AFG1L: variants seen among roughly 807,000 people sequenced by gnomAD.
The protein encoded by AFG1L is AFG1-like ATPase.
A neutral mutation model predicts 62.2 loss-of-function variants in AFG1L; 53 were observed. That is an observed-to-expected ratio of 0.85 (90% confidence interval 0.68 to 1.07). The LOEUF (loss-of-function observed/expected upper bound fraction) is 1.07, where lower values mean the gene tolerates loss of function less well. AFG1L is among the 50% of genes least tolerant of loss of function. The probability of loss-of-function intolerance (pLI) is 0.00; values close to 1 mark genes in which losing one functional copy is unlikely to be tolerated. For missense variants in AFG1L, 555 were observed against 590.5 expected (o/e 0.94, Z 0.62); for synonymous variants, 228 against 210.3 (o/e 1.08, Z -0.73).
At chr6:108,465,128 T>C (rs1032113677) in intron 8 of AFG1L, among the ~76,000 whole-genome samples, 3 of 152,220 alleles carry the variant, frequency 2.0e-5, no homozygotes, top group Non-Finnish European at 2.9e-5. Context: ...AAGATACTCT[T>C]CTTTGTGGTT....
intron 8 of AFG1L, among the ~76,000 whole-genome samples, chr6:108,469,729 G>A (rs1772811497): frequency 6.6e-6 from 1 of 152,186 alleles, no homozygotes; most frequent in Admixed American, 6.5e-5. Context: ...TCAACTGAGT[G>A]GCTGGTGATA....
chr6:108,317,773 C>G (rs1777660962), intron 1 of AFG1L, among the ~76,000 whole-genome samples: 1 of 152,162 alleles, frequency 6.6e-6, no homozygotes, highest in East Asian at 1.9e-4. Flanking sequence ...AAACTGTAAA[C>G]TAAATTCATC....
chr6:108,465,830 A>G (rs1382810257), intron 8 of AFG1L, among the ~76,000 whole-genome samples: 1 of 152,064 alleles, frequency 6.6e-6, no homozygotes, highest in Admixed American at 6.5e-5. Context: ...TTAATTTTTA[A>G]TTAGTTCTTT....
chr6:108,351,417 G>T (rs1779075742), intron 3 of AFG1L, among the ~76,000 whole-genome samples: 1 of 152,130 alleles, frequency 6.6e-6, no homozygotes, highest in Non-Finnish European at 1.5e-5. Flanking sequence ...TGATGACCTT[G>T]TATCCTGTGA....
intron 7 of AFG1L, among the ~76,000 whole-genome samples, chr6:108,430,159 G>A (rs1345862079): frequency 6.6e-6 from 1 of 152,084 alleles, no homozygotes; most frequent in Non-Finnish European, 1.5e-5. Context: ...TGTTGGCCAG[G>A]CTGATCTCAA....
At chr6:108,479,980 T>C (rs1773266477) in intron 10 of AFG1L, among the ~76,000 whole-genome samples, 1 of 152,196 alleles carries the variant, frequency 6.6e-6, no homozygotes. Context: ...TACAGAAACT[T>C]ACCTGTGTCT....
chr6:108,436,326 G>A (rs976093149), intron 7 of AFG1L, among the ~76,000 whole-genome samples: 10 of 152,224 alleles, frequency 6.6e-5, no homozygotes, highest in Non-Finnish European at 1.3e-4. Flanking sequence ...TGTATTTTTA[G>A]TAGAGACGGG....
At chr6:108,364,669 C>T (rs944385806) in intron 5 of AFG1L, among the ~76,000 whole-genome samples, 1 of 151,990 alleles carries the variant, frequency 6.6e-6, no homozygotes, top group Non-Finnish European at 1.5e-5. Context: ...TCAGAAATGC[C>T]ACTGGTGTTC....
At chr6:108,322,547 A>G (rs916163476) in intron 1 of AFG1L, among the ~76,000 whole-genome samples, 1 of 152,208 alleles carries the variant, frequency 6.6e-6, no homozygotes, top group South Asian at 2.1e-4. Context: ...CTGGGCAGCC[A>G]TGCATCCAGC....
intron 10 of AFG1L, among the ~76,000 whole-genome samples, chr6:108,480,319 A>G (rs1773277084): frequency 6.6e-6 from 1 of 152,214 alleles, no homozygotes; most frequent in Admixed American, 6.5e-5. Flanking sequence ...TACTTACAAT[A>G]GGTAGGCACT....
intron 8 of AFG1L, among the ~76,000 whole-genome samples, chr6:108,475,678 A>T (rs769626154): frequency 6.6e-6 from 1 of 152,196 alleles, no homozygotes; most frequent in Non-Finnish European, 1.5e-5. Flanking sequence ...GATGTTTTTA[A>T]TGTCCTTTGA....
intron 8 of AFG1L, among the ~76,000 whole-genome samples, chr6:108,469,535 G>A (rs1215423420): frequency 6.6e-6 from 1 of 152,146 alleles, no homozygotes; most frequent in Non-Finnish European, 1.5e-5. Flanking sequence ...AAAGACAAAT[G>A]TATTAGAGAA....
intron 3 of AFG1L, among the ~76,000 whole-genome samples, chr6:108,347,361 T>A (rs1037830047): frequency 6.6e-6 from 1 of 152,238 alleles, no homozygotes; most frequent in South Asian, 2.1e-4. Flanking sequence ...CCATGACTCA[T>A]TAACTCAGCT....
intron 2 of AFG1L, among the ~76,000 whole-genome samples, chr6:108,337,600 A>T (rs1221961055): frequency 6.6e-6 from 1 of 152,208 alleles, no homozygotes; most frequent in Non-Finnish European, 1.5e-5. Context: ...CAAAGGCCTA[A>T]GGTTAGCAGA....
intron 6 of AFG1L, among the ~76,000 whole-genome samples, chr6:108,371,173 TTTTTTGTTTTGTTTTA>T (rs1779986987): frequency 6.6e-6 from 1 of 152,180 alleles, no homozygotes; most frequent in Non-Finnish European, 1.5e-5. Context: ...TACTACTTTA[TTTTTTGTTTTGTTTTA>T]TTTTTGTTTT....
chr6:108,398,287 T>C (rs755581624), intron 6 of AFG1L, among the ~76,000 whole-genome samples: 6 of 152,230 alleles, frequency 3.9e-5, no homozygotes, highest in Non-Finnish European at 7.3e-5. Context: ...TTTGCCCATC[T>C]TTTAATCAGA....
intron 7 of AFG1L, among the ~76,000 whole-genome samples, chr6:108,419,191 A>T (rs1238005239): frequency 6.6e-6 from 1 of 152,172 alleles, no homozygotes; most frequent in Non-Finnish European, 1.5e-5. Context: ...TAACAGTGTG[A>T]AATAATCTAA....
intron 7 of AFG1L, among the ~76,000 whole-genome samples, chr6:108,438,095 AT>A (rs1771389799): frequency 6.6e-6 from 1 of 152,080 alleles, no homozygotes; most frequent in Non-Finnish European, 1.5e-5. Flanking sequence ...GCTTTTTTGA[AT>A]CTTGCAATTA....
chr6:108,295,109 C>G lies in AFG1L; in HGVS notation c.30C>G (p.Thr10=), dbSNP rs748918150. 2.1e-5 allele frequency: 34 copies of G among 1,611,440 alleles called. 2 individuals carry two copies. The Middle Eastern group carries it at 4.9e-4, about 23-fold the overall frequency. Residue 10 remains threonine, a synonymous_variant, in exon 1 of 13, where the codon ACC becomes ACG. Transcript: ENST00000368977. ...CGGCCTCCTGGTCGCTCTTGGTTACCCTGCGCCCCTTAGCACAGAGCCCGC... is the reference window on the plus strand; with the variant it reads ...CGGCCTCCTGGTCGCTCTTGGTTACGCTGCGCCCCTTAGCACAGAGCCCGC... The part of the protein sequence containing the change: MAASWSLLV[T]LRPLAQSPLR...
Sources: gnomAD v4.1 joint callset for allele counts (sites outside exome capture counted in the v4.1 genomes callset) on GRCh38, gnomAD v4.1.1 for gene constraint, MANE v1.5 for transcripts, NCBI Gene and HGNC (gene_info 2026-07-23, HGNC 2026-07-21) for gene names.